PCDHGB4: variants seen among roughly 807,000 people sequenced by gnomAD.
The protein encoded by PCDHGB4 is protocadherin gamma-B4.
A neutral mutation model predicts 60.5 loss-of-function variants in PCDHGB4; 38 were observed. The ratio of observed to expected loss-of-function variants is 0.63; its 90% CI spans 0.48 to 0.82. The LOEUF is 0.82. Ranked by LOEUF, PCDHGB4 falls within the 40% of genes least tolerant of loss-of-function variation. PCDHGB4 has a pLI of 0.00. For missense variants in PCDHGB4, 1,109 were observed against 1,209.6 expected (o/e 0.92, Z 1.23); for synonymous variants, 456 against 509.7 (o/e 0.89, Z 1.42).
chr5:141,401,830 T>C (rs950842785), intron 1 of PCDHGB4, among the ~76,000 whole-genome samples: 4 of 152,216 alleles, frequency 2.6e-5, no homozygotes, highest in Admixed American at 1.3e-4. Context: ...TGCTGAGATT[T>C]CTTATAATAC....
At chr5:141,443,344 G>T (rs1016738767) in intron 1 of PCDHGB4, among the ~76,000 whole-genome samples, 2 of 151,966 alleles carry the variant, frequency 1.3e-5, no homozygotes, top group African/African-American at 2.4e-5. Context: ...AATTAACAAG[G>T]TTTAGTGGTC....
intron 1 of PCDHGB4, chr5:141,413,378 T>G (rs2095632557): frequency 6.2e-7 from 1 of 1,613,616 alleles, no homozygotes; most frequent in Non-Finnish European, 8.5e-7. Context: ...GAGCGCGGAG[T>G]CCGCATAGTC....
At chr5:141,423,313 G>A (rs1407028245) in intron 1 of PCDHGB4, 3 of 1,614,184 alleles carry the variant, frequency 1.9e-6, no homozygotes, top group Non-Finnish European at 1.7e-6. Context: ...GTACTTGGTG[G>A]TGGCGGTGGC....
chr5:141,492,043 TC>T (rs1323524482), intron 1 of PCDHGB4: 5 of 518,152 alleles, frequency 9.6e-6, no homozygotes, highest in Non-Finnish European at 1.7e-5. Context: ...CAGTCACAGA[TC>T]CACCCCTGCA....
chr5:141,478,179 A>C, intron 1 of PCDHGB4: 1 of 1,613,996 alleles, frequency 6.2e-7, no homozygotes, highest in Non-Finnish European at 8.5e-7. Context: ...GAGCAGAAAA[A>C]AAATCTCACC....
Position 141,477,673 on chromosome 5 carries a change from G to A in PCDHGB4, c.2398-17134G>A. The A allele has an allele frequency of 1.2e-6, 2 of 1,614,168 alleles. No individual in the cohort carries two copies. The highest frequency in any genetic ancestry group is 8.5e-7 in the Non-Finnish European group (1 of 1,180,050). ...CAATAAATCGTGACAATGGCATAGT[G>A]TCATCCTTAGTGCCCCTAGACTATG... On this transcript the variant is annotated intron_variant, in intron 1 of 3. Coordinates refer to ENST00000519479, the MANE Select transcript of PCDHGB4 (RefSeq NM_003736.4). This position sits in a 1 kb window ranked among gnomAD's most constrained non-coding sequence, Gnocchi z 4.9.
At chr5:141,394,050 G>GA (rs2092909261) in intron 1 of PCDHGB4, 4 of 1,613,594 alleles carry the variant, frequency 2.5e-6, no homozygotes, top group Non-Finnish European at 3.4e-6. Context: ...TTTGGACCGA[G>GA]AAAATGTCTC....
At chr5:141,421,434 C>T (rs1247535353) in intron 1 of PCDHGB4, 1 of 1,613,980 alleles carries the variant, frequency 6.2e-7, no homozygotes, top group Non-Finnish European at 8.5e-7. Context: ...GCATCGTCTC[C>T]AGAGGGAAGA....
chr5:141,413,049 A>C (rs2095599926), intron 1 of PCDHGB4: 5 of 904,176 alleles, frequency 5.5e-6, no homozygotes, highest in Non-Finnish European at 8.1e-6. Context: ...GCTGCAGGGA[A>C]GCTCACTCCA....
chr5:141,403,895 T>C, intron 1 of PCDHGB4: 1 of 1,613,884 alleles, frequency 6.2e-7, no homozygotes, highest in Non-Finnish European at 8.5e-7. Context: ...ATGTTCATTT[T>C]ATGAAATGGA....
rs2099411033 is a variant in PCDHGB4, at chr5:141,477,423, C to T, written c.2398-17384C>T. ...ACCGCCCGAGACGCCGGAACCCCTT[C>T]CCTCTCAGCCCTTACAATAGTGCGT... On this transcript the variant is annotated intron_variant, in intron 1 of 3. Coordinates refer to ENST00000519479, the MANE Select transcript of PCDHGB4 (RefSeq NM_003736.4). This position sits in a 1 kb window ranked among gnomAD's most constrained non-coding sequence, Gnocchi z 4.9. 1.9e-6 allele frequency: 3 copies of T among 1,614,196 alleles called. No individual in the cohort carries two copies. The highest frequency in any genetic ancestry group is 2.2e-5 in the East Asian group (1 of 44,882).
chr5:141,481,260 A>C (rs2099534771), intron 1 of PCDHGB4, among the ~76,000 whole-genome samples: 1 of 152,166 alleles, frequency 6.6e-6, no homozygotes, highest in Non-Finnish European at 1.5e-5. Context: ...CTAAAAGATC[A>C]CTGTAGGAAG....
At position 141,485,683 on chromosome 5, in the gene PCDHGB4, T is replaced by C. The variant is rs2099617681; in HGVS notation, c.2398-9124T>C. ...TGGGGAGCAATTCGATTAGCAGCTA[T>C]AGGCTGAGCTCCAATGAACACTTTG... On this transcript the variant is annotated intron_variant, in intron 1 of 3. Coordinates refer to ENST00000519479, the MANE Select transcript of PCDHGB4 (RefSeq NM_003736.4). This position sits in a 1 kb window ranked among gnomAD's most constrained non-coding sequence, Gnocchi z 5.7. 3.7e-6 allele frequency: 6 copies of C among 1,614,042 alleles called. No individual in the cohort carries two copies. The South Asian group carries it at 4.4e-5, about 12-fold the overall frequency.
rs763104309 is a variant in PCDHGB4, at chr5:141,432,042, G to A, written c.2397+41761G>A. 5 of 1,614,090 alleles carry A rather than the reference G, an allele frequency of 3.1e-6. No homozygotes were observed. The African/African-American group carries it at 6.7e-5, about 22-fold the overall frequency. ...ATCACAGTGACCGCCACTGACCGGG[G>A]AACCCCGCCCCTATCCACGGAAACT... On this transcript the variant is annotated intron_variant, in intron 1 of 3. Transcript: ENST00000519479. The surrounding 1 kb of genome is among the most constrained non-coding windows in gnomAD (Gnocchi z 6.0).
chr5:141,401,922 A>C (rs899426870), intron 1 of PCDHGB4, among the ~76,000 whole-genome samples: 10 of 152,194 alleles, frequency 6.6e-5, no homozygotes, highest in Non-Finnish European at 1.3e-4. Flanking sequence ...AGTTTAAGTG[A>C]TGCTTAGAAT....
intron 1 of PCDHGB4, chr5:141,393,440 C>T (rs777552488): frequency 1.7e-5 from 27 of 1,613,924 alleles, no homozygotes; most frequent in Non-Finnish European, 2.3e-5. Context: ...CTGCTCACCA[C>T]CTGGTCCTCA....
At position 141,403,830 on chromosome 5, in the gene PCDHGB4, A is replaced by G. The variant is rs763794433; in HGVS notation, c.2397+13549A>G. On this transcript the variant is annotated intron_variant, in intron 1 of 3. Coordinates refer to ENST00000519479, the MANE Select transcript of PCDHGB4 (RefSeq NM_003736.4). ...AATGAAAAACAATCTCTGCTATTCC[A>G]GCTTAATGAAAATACTGGGGAAATA... The G allele has an allele frequency of 3.7e-6, 6 of 1,613,754 alleles. No individual in the cohort carries two copies. In the Admixed American group the frequency reaches 5.0e-5, roughly 13 times the overall value.
In PCDHGB4 at chr5:141,390,150, C is replaced by A. The variant is rs768850867; in HGVS notation, c.2266C>A (p.His756Asn). The A allele has an allele frequency of 3.7e-6, 6 of 1,613,916 alleles. No homozygotes were observed. The African/African-American group carries it at 8.0e-5, about 22-fold the overall frequency. The change falls in exon 1 of 4, where the codon CAT becomes AAT. Residue 756 changes from histidine (H) to asparagine (N), a missense_variant. This residue lies in a region of PCDHGB4 where 1,068 missense variants were observed against 1,089.9 expected (regional missense o/e 0.98). Transcript: ENST00000519479. ...TTATTCCTACAATCTATGTGTTGCA[C>A]ATACAGGAAAGACGGAGTTTAATTT... ...LPYSYNLCVAHTGKTEFNFLK... is the reference protein window; with the variant it reads ...LPYSYNLCVANTGKTEFNFLK...
At chr5:141,421,895 G>C in intron 1 of PCDHGB4, 1 of 1,613,730 alleles carries the variant, frequency 6.2e-7, no homozygotes, top group Non-Finnish European at 8.5e-7. Context: ...GATCCCATCC[G>C]AAAGGGCGCA....
Sources: allele counts gnomAD v4.1 joint callset (sites outside exome capture counted in the v4.1 genomes callset), GRCh38; gene constraint gnomAD v4.1.1; regional missense constraint gnomAD v4.1.1; non-coding constraint Gnocchi (gnomAD v3.1); transcripts MANE v1.5; gene names NCBI Gene and HGNC (gene_info 2026-07-23, HGNC 2026-07-21).